ASIC2: variants seen among roughly 807,000 people sequenced by gnomAD.
ASIC2 encodes acid sensing ion channel subunit 2, also known as acid-sensing ion channel 2.
In ASIC2, 25 loss-of-function variants were observed where a neutral mutation model predicts 57.3. The ratio of observed to expected loss-of-function variants is 0.44; its 90% CI spans 0.32 to 0.61. ASIC2 has a LOEUF of 0.61. ASIC2 is among the 20% of genes least tolerant of loss of function. The pLI is 0.06. For synonymous variants in ASIC2, 319 were observed against 307.5 expected (o/e 1.04, Z -0.39); for missense variants, 641 against 738.1 (o/e 0.87, Z 1.52).
At chr17:33,631,405 C>T (rs1398242243) in intron 1 of ASIC2, among the ~76,000 whole-genome samples, 1 of 149,464 alleles carries the variant, frequency 6.7e-6, no homozygotes, top group Non-Finnish European at 1.5e-5. Context: ...GAGAAAGTGA[C>T]TGAACTGAAA....
At chr17:33,432,912 G>A (rs1911469098) in intron 1 of ASIC2, among the ~76,000 whole-genome samples, 1 of 152,178 alleles carries the variant, frequency 6.6e-6, no homozygotes, top group Admixed American at 6.5e-5. Context: ...ACTGATGTTG[G>A]CAAGGTTGCA....
chr17:33,447,191 A>C (rs1489772177), intron 1 of ASIC2, among the ~76,000 whole-genome samples: 3 of 152,146 alleles, frequency 2.0e-5, no homozygotes. Context: ...GATTACATGT[A>C]GTTGTCTGCA....
intron 1 of ASIC2, among the ~76,000 whole-genome samples, chr17:33,217,355 C>T (rs142106315): frequency 7.2e-5 from 11 of 152,296 alleles, no homozygotes; most frequent in Non-Finnish European, 1.5e-4. Flanking sequence ...CAAAGAGAAT[C>T]GTGATATTGT....
intron 1 of ASIC2, among the ~76,000 whole-genome samples, chr17:33,846,805 A>G (rs1913619179): frequency 6.6e-6 from 1 of 151,694 alleles, no homozygotes; most frequent in South Asian, 2.1e-4. Flanking sequence ...GCTCACTGCA[A>G]GCTCTGCCTC....
At chr17:33,293,965 G>A (rs376571656), upstream of ASIC2, among the ~76,000 whole-genome samples, 63 of 152,114 alleles carry the variant, frequency 4.1e-4, no homozygotes, top group African/African-American at 1.5e-3. Flanking sequence ...TATGTGTGTT[G>A]AGGCATTGCG....
chr17:33,613,813 C>T lies in ASIC2; in HGVS notation c.556-501746G>A, dbSNP rs554463433. On this transcript the variant is annotated intron_variant, in intron 1 of 9. Coordinates refer to the ASIC2 transcript ENST00000359872. Reference sequence around the variant, plus strand: ...CGGGTCTTTCTCATACTACTTAATGCCTTTAGAGTAGTCTACCATATGGTA... The same window carrying T: ...CGGGTCTTTCTCATACTACTTAATGTCTTTAGAGTAGTCTACCATATGGTA... 2.3e-4 allele frequency among the ~76,000 whole-genome samples: 35 copies of T among 152,300 alleles called. 1 individual carries two copies. The South Asian group carries it at 5.0e-3, about 22-fold the overall frequency.
chr17:34,045,336 G>A (rs1025511149), intron 1 of ASIC2, among the ~76,000 whole-genome samples: 1 of 152,164 alleles, frequency 6.6e-6, no homozygotes, highest in African/African-American at 2.4e-5. Flanking sequence ...AACAAGACAA[G>A]TTCCACAGTA....
At chr17:33,397,436 A>G (rs1910118644) in intron 1 of ASIC2, among the ~76,000 whole-genome samples, 1 of 152,144 alleles carries the variant, frequency 6.6e-6, no homozygotes, top group South Asian at 2.1e-4. Context: ...CTAGCAGGGG[A>G]CCTTACATGC....
intron 1 of ASIC2, among the ~76,000 whole-genome samples, chr17:34,089,084 C>G (rs536800376): frequency 1.3e-5 from 2 of 152,226 alleles, no homozygotes; most frequent in African/African-American, 4.8e-5. Flanking sequence ...GTGAGATGAA[C>G]CCGGTACCTC....
intron 1 of ASIC2, among the ~76,000 whole-genome samples, chr17:33,898,935 C>T: frequency 6.6e-6 from 1 of 152,258 alleles, no homozygotes; most frequent in South Asian, 2.1e-4. Flanking sequence ...TCACATGTTA[C>T]TCTGATTAAC....
chr17:33,672,800 C>T (rs538093949), intron 1 of ASIC2, among the ~76,000 whole-genome samples: 2 of 152,110 alleles, frequency 1.3e-5, no homozygotes, highest in East Asian at 1.9e-4. Context: ...TCCAGTCTGG[C>T]GTTGAGATGA....
At chr17:33,615,168 C>G (rs1364876187) in intron 1 of ASIC2, among the ~76,000 whole-genome samples, 2 of 152,150 alleles carry the variant, frequency 1.3e-5, no homozygotes, top group Admixed American at 1.3e-4. Flanking sequence ...GTATATAAAA[C>G]TTTTCTAACT....
intron 1 of ASIC2, among the ~76,000 whole-genome samples, chr17:34,056,723 T>C (rs1908778923): frequency 6.6e-6 from 1 of 152,218 alleles, no homozygotes; most frequent in Non-Finnish European, 1.5e-5. Context: ...CTTCTCAATT[T>C]CAACTCCTCT....
At chr17:33,094,649 G>A (rs975116987) in intron 2 of ASIC2, among the ~76,000 whole-genome samples, 30 of 152,184 alleles carry the variant, frequency 2.0e-4, no homozygotes, top group Non-Finnish European at 2.2e-4. Flanking sequence ...TTGGGTTTGA[G>A]CAAGTGCATA....
In ASIC2 at chr17:33,825,891, T is replaced by G. The variant is rs112942995; in HGVS notation, c.555+330087A>C. Among the ~76,000 whole-genome samples the G allele has an allele frequency of 7.4e-4, 112 of 152,352 alleles. 2 individuals carry two copies. The highest frequency in any genetic ancestry group is 2.6e-3 in the African/African-American group (110 of 41,586). The stretch of plus-strand genomic sequence containing the variant: ...ATATAAGATAAATTTTAGTTATTTT[T>G]TCTACTTTAGTAATAGATATATCTA... On this transcript the variant is annotated intron_variant, in intron 1 of 9. Transcript: ENST00000359872.
intron 1 of ASIC2, among the ~76,000 whole-genome samples, chr17:33,706,386 AT>A (rs913219798): frequency 7.5e-4 from 109 of 145,880 alleles, no homozygotes; most frequent in Middle Eastern, 3.6e-3. Context: ...TGAATGGCTA[AT>A]TTTTTTTTTT....
At chr17:33,795,374 C>A (rs992198943) in intron 1 of ASIC2, among the ~76,000 whole-genome samples, 2 of 152,250 alleles carry the variant, frequency 1.3e-5, no homozygotes, top group Non-Finnish European at 2.9e-5. Context: ...AACTGCATTG[C>A]AGTTTAACTT....
intron 1 of ASIC2, among the ~76,000 whole-genome samples, chr17:33,583,487 G>T (rs1320277972): frequency 6.6e-6 from 1 of 152,176 alleles, no homozygotes; most frequent in Non-Finnish European, 1.5e-5. Context: ...GAAACACATT[G>T]AATGTATGCC....
chr17:33,245,183 A>G (rs1908649110), intron 1 of ASIC2, among the ~76,000 whole-genome samples: 1 of 152,132 alleles, frequency 6.6e-6, no homozygotes, highest in African/African-American at 2.4e-5. Context: ...TACTCCTTAA[A>G]CACATTTTCA....
Sources: allele counts gnomAD v4.1 joint callset (sites outside exome capture counted in the v4.1 genomes callset), GRCh38; gene constraint gnomAD v4.1.1; transcripts MANE v1.5; gene names NCBI Gene and HGNC (gene_info 2026-07-23, HGNC 2026-07-21).